TSNARE1: variants seen among roughly 807,000 people sequenced by gnomAD.
TSNARE1 encodes t-SNARE domain containing 1.
In TSNARE1, 49 loss-of-function variants were observed where a neutral mutation model predicts 62.0. The observed-to-expected ratio is 0.79, with a 90% CI of 0.63 to 1.00. The LOEUF is 1.00. Among genes scored for constraint, TSNARE1 ranks in the 50% least tolerant of loss-of-function variants. The pLI, the probability that TSNARE1 is intolerant of heterozygous loss-of-function variation, is 0.00. For synonymous variants in TSNARE1, 328 were observed against 294.4 expected (o/e 1.11, Z -1.17); for missense variants, 755 against 700.1 (o/e 1.08, Z -0.88).
At chr8:142,299,951 A>G (rs1488680616) in intron 10 of TSNARE1, among the ~76,000 whole-genome samples, 1 of 152,260 alleles carries the variant, frequency 6.6e-6, no homozygotes, top group African/African-American at 2.4e-5. Flanking sequence ...AGTATTATAC[A>G]TGTGTAAACT....
At chr8:142,318,493 A>G in intron 7 of TSNARE1, 51 bp downstream of exon 7, 1 of 1,543,896 alleles carries the variant, frequency 6.5e-7, no homozygotes, top group Non-Finnish European at 8.9e-7. Context: ...CATCACAGGC[A>G]GAGGGGTCCA....
intron 1 of TSNARE1, among the ~76,000 whole-genome samples, chr8:142,394,035 C>T (rs1340668632): frequency 6.6e-6 from 1 of 152,208 alleles, no homozygotes. Flanking sequence ...GTTACATTCT[C>T]CACCCGTCCA....
At chr8:142,247,872 TGTG>T (rs1817967018) in intron 12 of TSNARE1, 1 of 152,238 alleles carries the variant, frequency 6.6e-6, no homozygotes, top group African/African-American at 2.4e-5. Context: ...CCAGCACCCT[TGTG>T]GTGTCTGGAT....
chr8:142,396,532 G>A (rs1367472930), intron 1 of TSNARE1, among the ~76,000 whole-genome samples: 4 of 152,346 alleles, frequency 2.6e-5, no homozygotes, highest in South Asian at 2.1e-4. Context: ...TATTAGTGCA[G>A]TAATTGCCAT....
chr8:142,274,530 G>A (rs1302499089), intron 12 of TSNARE1: 1 of 985,336 alleles, frequency 1.0e-6, no homozygotes, highest in Non-Finnish European at 1.2e-6. Context: ...ATGGGAGAGG[G>A]CGGCGTGGTG....
At chr8:142,257,120 G>C (rs1171560139) in intron 12 of TSNARE1, among the ~76,000 whole-genome samples, 1 of 152,198 alleles carries the variant, frequency 6.6e-6, no homozygotes, top group Non-Finnish European at 1.5e-5. Context: ...ACGTGGGGCG[G>C]TGTCCCTCAT....
At chr8:142,287,583 T>C in intron 10 of TSNARE1, among the ~76,000 whole-genome samples, 1 of 131,186 alleles carries the variant, frequency 7.6e-6, no homozygotes, top group African/African-American at 3.0e-5. Flanking sequence ...CGGCCAGATC[T>C]CAGGGACAGT....
At position 142,331,791 on chromosome 8, in the gene TSNARE1, C is replaced by A; in HGVS notation, c.786G>T (p.Gln262His). ...TTCGGAAGACGTTGGCCGACATCTC[C>A]TGGAACAGCTCCTGGAGGTTGCACG... ...VDPCNLQELF[Q>H]EMSANVFRIN... is the part of the protein sequence containing the mutation. Residue 262 changes from glutamine (Q) to histidine (H), a missense_variant, in exon 5 of 14, where the codon CAG (glutamine) becomes CAT (histidine). Coordinates refer to ENST00000524325, the MANE Select transcript of TSNARE1 (RefSeq NM_145003.5). 1 of 1,608,144 alleles carries A rather than the reference C, an allele frequency of 6.2e-7. No individual in the cohort carries two copies. Among genetic ancestry groups the A allele is most frequent in the East Asian group, 2.2e-5 (1 of 44,558 alleles).
intron 10 of TSNARE1, among the ~76,000 whole-genome samples, chr8:142,296,384 G>A (rs1175649883): frequency 7.7e-6 from 1 of 129,054 alleles, no homozygotes; most frequent in Non-Finnish European, 1.7e-5. Context: ...CACTGTCATG[G>A]GGGAGGGGTG....
chr8:142,294,867 G>A lies in TSNARE1; in HGVS notation c.1290+5619C>T, dbSNP rs140015679. On this transcript the variant is annotated intron_variant, in intron 10 of 13. Coordinates refer to ENST00000524325, the MANE Select transcript of TSNARE1 (RefSeq NM_145003.5). ...AGACACAATTGAAGCTCACACTCCC[G>A]GTGATGAGATGGGAATGGCCTCTCC... 5.4e-3 allele frequency among the ~76,000 whole-genome samples: 821 copies of A among 152,298 alleles called. 7 individuals carry two copies. Among genetic ancestry groups the A allele is most frequent in the Non-Finnish European group, 7.7e-3 (524 of 68,014 alleles).
chr8:142,346,807 T>G (rs1380330518), intron 2 of TSNARE1, among the ~76,000 whole-genome samples: 2 of 152,204 alleles, frequency 1.3e-5, no homozygotes, highest in African/African-American at 2.4e-5. Flanking sequence ...GAAAAGGCCC[T>G]TCATACAACC....
chr8:142,345,983 G>A (rs1222465341), intron 2 of TSNARE1, 91 bp from the exon 3 acceptor site: 2 of 1,456,012 alleles, frequency 1.4e-6, no homozygotes, highest in Admixed American at 4.0e-5. Context: ...AGACACCCAG[G>A]ACCCGAGATG....
intron 11 of TSNARE1, chr8:142,276,877 C>G: frequency 4.1e-6 from 4 of 985,452 alleles, no homozygotes; most frequent in Non-Finnish European, 4.8e-6. Context: ...CCTCACACAA[C>G]CACTGCCCAG....
chr8:142,277,041 G>A (rs773439013), intron 11 of TSNARE1: 279 of 985,282 alleles, frequency 2.8e-4, no homozygotes, highest in Non-Finnish European at 3.1e-4. Flanking sequence ...GACAGGTTTG[G>A]TGCGTGGGAC....
chr8:142,277,497 A>G, intron 11 of TSNARE1: 1 of 985,456 alleles, frequency 1.0e-6, no homozygotes, highest in South Asian at 4.7e-5. Flanking sequence ...CAGAGCGGAA[A>G]GCATGGCCGG....
intron 1 of TSNARE1, among the ~76,000 whole-genome samples, chr8:142,381,591 C>T (rs559686367): frequency 8.9e-4 from 136 of 152,304 alleles, no homozygotes; most frequent in Non-Finnish European, 1.7e-3. Flanking sequence ...CAGAGGCAGG[C>T]GCCCAGCAGT....
chr8:142,264,750 A>G (rs919604423), intron 12 of TSNARE1, among the ~76,000 whole-genome samples: 6 of 152,170 alleles, frequency 3.9e-5, no homozygotes, highest in African/African-American at 1.4e-4. Flanking sequence ...TTGACTGGCA[A>G]ATCTTCACAC....
At chr8:142,269,567 G>A in intron 12 of TSNARE1, 6 of 983,780 alleles carry the variant, frequency 6.1e-6, no homozygotes, top group Non-Finnish European at 7.2e-6. Context: ...GGCCTCAAGT[G>A]ATCTTCCTGC....
chr8:142,214,350 C>T (rs1173159171), intron 13 of TSNARE1, among the ~76,000 whole-genome samples: 1 of 152,226 alleles, frequency 6.6e-6, no homozygotes, highest in East Asian at 1.9e-4. Flanking sequence ...TCCAGAATCC[C>T]CTTGGGGCTG....
Sources: gnomAD v4.1 joint callset for allele counts (sites outside exome capture counted in the v4.1 genomes callset) on GRCh38, gnomAD v4.1.1 for gene constraint, MANE v1.5 for transcripts, NCBI Gene and HGNC (gene_info 2026-07-23, HGNC 2026-07-21) for gene names.